TSPAN18: variants seen among roughly 807,000 people sequenced by gnomAD.
TSPAN18 encodes the protein tetraspanin 18.
TSPAN18 carries 14 observed loss-of-function variants against 27.3 expected under a neutral mutation model. The ratio of observed to expected loss-of-function variants is 0.51; its 90% CI spans 0.34 to 0.80. TSPAN18 has a LOEUF of 0.80. Ranked by LOEUF, TSPAN18 falls within the 30% of genes least tolerant of loss-of-function variation. The probability of loss-of-function intolerance (pLI) is 0.01; values close to 1 mark genes in which losing one functional copy is unlikely to be tolerated. For missense variants in TSPAN18, 268 were observed against 323.9 expected, an observed-to-expected ratio of 0.83 and a Z score of 1.32; for synonymous variants, 143 against 136.5, an observed-to-expected ratio of 1.05 and a Z score of -0.33.
At chr11:44,857,395 C>G (rs1000338552) in intron 2 of TSPAN18, among the ~76,000 whole-genome samples, 1 of 152,214 alleles carries the variant, frequency 6.6e-6, no homozygotes, top group African/African-American at 2.4e-5. Context: ...GAATGCAAGT[C>G]GGGCTGTGCC....
At chr11:44,914,283 G>C (rs1483371618) in intron 5 of TSPAN18, among the ~76,000 whole-genome samples, 1 of 152,214 alleles carries the variant, frequency 6.6e-6, no homozygotes, top group East Asian at 1.9e-4. Context: ...CAGAGGTTTG[G>C]CTAAGAGCAT....
rs149091051 is a variant in TSPAN18, at chr11:44,926,685, G to A, written c.627G>A (p.Thr209=). The change falls in exon 9 of 10, where the codon ACG becomes ACA. Residue 209 remains threonine, a synonymous_variant. Coordinates refer to ENST00000520358, the MANE Select transcript of TSPAN18 (RefSeq NM_130783.5). ...SLFLNKQGCY[T]VILNTFETYV... is the part of the protein sequence containing the mutation. ...TCCCTCCCTCCCAGGGCTGTTACAC[G>A]GTGATCCTCAACACCTTCGAGACCT... 10 of 1,613,982 alleles carry A rather than the reference G, an allele frequency of 6.2e-6. No homozygotes were observed. The highest frequency in any genetic ancestry group is 1.7e-5 in the Admixed American group (1 of 59,996).
intron 2 of TSPAN18, among the ~76,000 whole-genome samples, chr11:44,776,833 T>C (rs2134935553): frequency 6.6e-6 from 1 of 152,294 alleles, no homozygotes; most frequent in African/African-American, 2.4e-5. Context: ...TAGGACCTGG[T>C]TGAGTGTGTC....
intron 2 of TSPAN18, among the ~76,000 whole-genome samples, chr11:44,806,995 C>T (rs1442118849): frequency 6.6e-6 from 1 of 151,972 alleles, no homozygotes; most frequent in Non-Finnish European, 1.5e-5. Context: ...GTTTCCTGAA[C>T]AGTGCTGCTT....
At chr11:44,907,841 G>A (rs2135330533) in intron 4 of TSPAN18, among the ~76,000 whole-genome samples, 1 of 152,066 alleles carries the variant, frequency 6.6e-6, no homozygotes, top group African/African-American at 2.4e-5. Flanking sequence ...GATCACCTGA[G>A]GTCAGGAGTT....
At chr11:44,788,744 G>C (rs1190181616) in intron 2 of TSPAN18, among the ~76,000 whole-genome samples, 1 of 152,174 alleles carries the variant, frequency 6.6e-6, no homozygotes, top group Admixed American at 6.5e-5. Context: ...ACCGCACCCG[G>C]CCTGGAGGAG....
chr11:44,851,612 A>ACCACCC (rs1278720815), intron 2 of TSPAN18, among the ~76,000 whole-genome samples: 1 of 110,798 alleles, frequency 9.0e-6, no homozygotes, highest in Non-Finnish European at 2.0e-5. Flanking sequence ...TACTCTTGTC[A>ACCACCC]CCTCCCCCCC....
At chr11:44,850,008 G>A (rs1185060214) in intron 2 of TSPAN18, among the ~76,000 whole-genome samples, 2 of 152,162 alleles carry the variant, frequency 1.3e-5, no homozygotes, top group African/African-American at 4.8e-5. Context: ...CCTGGCCCAA[G>A]CAAGTGCCTT....
intron 1 of TSPAN18, among the ~76,000 whole-genome samples, chr11:44,748,786 G>A (rs766155960): frequency 8.5e-5 from 13 of 152,122 alleles, no homozygotes; most frequent in African/African-American, 2.2e-4. Flanking sequence ...GGGGAGGGGC[G>A]GCGGAAATCA....
chr11:44,858,508 G>C (rs867239211), intron 2 of TSPAN18, among the ~76,000 whole-genome samples: 2 of 152,236 alleles, frequency 1.3e-5, no homozygotes, highest in Non-Finnish European at 2.9e-5. Flanking sequence ...GGGTGTGCCT[G>C]AATGTTCACA....
At chr11:44,877,431 T>C (rs923969253) in intron 3 of TSPAN18, among the ~76,000 whole-genome samples, 4 of 152,164 alleles carry the variant, frequency 2.6e-5, no homozygotes, top group Non-Finnish European at 5.9e-5. Flanking sequence ...TCAGGGTCCA[T>C]TCCTTGGGCT....
chr11:44,929,243 G>A lies in TSPAN18; in HGVS notation c.*65G>A, dbSNP rs377127674. 1.1e-5 allele frequency: 18 copies of A among 1,600,128 alleles called. No homozygotes were observed. Among genetic ancestry groups the A allele is most frequent in the East Asian group, 4.5e-5 (2 of 44,760 alleles). ...ACTGCCCAGCACCCAGTGTCCTCCC[G>A]TGCCCCTCCCCGCTGTCCTCTTGGC... On this transcript the variant is annotated 3_prime_UTR_variant, in exon 10 of 10. Coordinates refer to ENST00000520358, the MANE Select transcript of TSPAN18 (RefSeq NM_130783.5).
intron 2 of TSPAN18, among the ~76,000 whole-genome samples, chr11:44,856,360 T>C (rs569884986): frequency 6.6e-6 from 1 of 152,274 alleles, no homozygotes; most frequent in East Asian, 1.9e-4. Context: ...CGGGCTTGGC[T>C]CATGGTCTTG....
At chr11:44,886,865 G>A (rs2135272365) in intron 3 of TSPAN18, among the ~76,000 whole-genome samples, 1 of 152,166 alleles carries the variant, frequency 6.6e-6, no homozygotes, top group African/African-American at 2.4e-5. Flanking sequence ...GCACATAAGT[G>A]TGTGTGTGTG....
At chr11:44,882,913 T>C (rs1858536328) in intron 3 of TSPAN18, among the ~76,000 whole-genome samples, 1 of 152,186 alleles carries the variant, frequency 6.6e-6, no homozygotes, top group African/African-American at 2.4e-5. Flanking sequence ...TGAGCCTGGC[T>C]TGAAGCCCCG....
intron 2 of TSPAN18, among the ~76,000 whole-genome samples, chr11:44,859,317 C>T (rs1857816420): frequency 6.6e-6 from 1 of 152,244 alleles, no homozygotes; most frequent in Admixed American, 6.5e-5. Context: ...CATGCACTAT[C>T]CTCTGCGTCA....
At chr11:44,767,390 G>T (rs966986177) in intron 2 of TSPAN18, among the ~76,000 whole-genome samples, 1 of 152,224 alleles carries the variant, frequency 6.6e-6, no homozygotes, top group Non-Finnish European at 1.5e-5. Flanking sequence ...CCAAACACAG[G>T]GTTCCTAGCC....
intron 4 of TSPAN18, 102 bp downstream of exon 4, chr11:44,906,581 GC>G: frequency 8.4e-7 from 1 of 1,191,132 alleles, no homozygotes; most frequent in Non-Finnish European, 1.2e-6. Context: ...GAGCACAGGG[GC>G]CGGCGCTAGA....
intron 1 of TSPAN18, among the ~76,000 whole-genome samples, chr11:44,733,559 T>C (rs1854715875): frequency 6.6e-6 from 1 of 151,568 alleles, no homozygotes; most frequent in Admixed American, 6.6e-5. Context: ...CTTCTGCTCC[T>C]GTCTCCTCCC....
Sources: gnomAD v4.1 joint callset for allele counts (sites outside exome capture counted in the v4.1 genomes callset) on GRCh38, gnomAD v4.1.1 for gene constraint, MANE v1.5 for transcripts, NCBI Gene and HGNC (gene_info 2026-07-23, HGNC 2026-07-21) for gene names.